NPIPB2: variants seen among roughly 807,000 people sequenced by gnomAD.
The protein encoded by NPIPB2 is nuclear pore complex-interacting protein family member B2.
Under a neutral mutation model 30.8 loss-of-function variants are expected in NPIPB2, and 27 were observed. That is an observed-to-expected ratio of 0.88 (90% CI 0.65 to 1.21). The LOEUF (loss-of-function observed/expected upper bound fraction) is 1.21. NPIPB2 is among the 50% of genes most tolerant of loss of function. The pLI is 0.00. For synonymous variants in NPIPB2, 147 were observed against 162.0 expected (o/e 0.91, Z 0.70); for missense variants, 440 against 446.2 (o/e 0.99, Z 0.13).
chr16:11,942,962 C>G (rs1467596039), upstream of NPIPB2, among the ~76,000 whole-genome samples: 1 of 151,770 alleles, frequency 6.6e-6, no homozygotes, highest in Non-Finnish European at 1.5e-5. Flanking sequence ...TCTATTGATG[C>G]TACAAATGGA....
In NPIPB2 at chr16:11,967,748, C is replaced by T. The variant is rs35434482; in HGVS notation, c.-584+8820G>A. ...TTCCACTCCCAGCTATGGAGGAAGGCGCAACCATTCTTGTCACCACGAAAA... is the reference window on the plus strand; with the variant it reads ...TTCCACTCCCAGCTATGGAGGAAGGTGCAACCATTCTTGTCACCACGAAAA... On this transcript the variant is annotated intron_variant, in intron 1 of 5. Transcript: ENST00000538896. The T allele has an allele frequency of 4.8e-4, 779 of 1,614,178 alleles. 6 individuals carry two copies. The African/African-American group carries it at 8.7e-3, about 18-fold the overall frequency.
At chr16:11,960,354 T>A (rs921486937) in intron 1 of NPIPB2, among the ~76,000 whole-genome samples, 2 of 49,826 alleles carry the variant, frequency 4.0e-5, no homozygotes, top group Non-Finnish European at 1.1e-4. Context: ...TATGGTTCCC[T>A]TTTTTTTTTT....
upstream of NPIPB2, among the ~76,000 whole-genome samples, chr16:11,946,671 A>T (rs1222975273): frequency 6.6e-6 from 1 of 152,128 alleles, no homozygotes; most frequent in African/African-American, 2.4e-5. Context: ...GAGAAACAGA[A>T]ACTCTCCCAC....
intron 1 of NPIPB2, among the ~76,000 whole-genome samples, chr16:11,938,578 G>A (rs4264409): frequency 5.9e-5 from 9 of 151,724 alleles, no homozygotes; most frequent in Admixed American, 1.3e-4. Context: ...TAATCTGCCC[G>A]CCTCAGCCTC....
At chr16:11,960,423 C>G (rs1054256237) in intron 1 of NPIPB2, among the ~76,000 whole-genome samples, 1 of 143,480 alleles carries the variant, frequency 7.0e-6, no homozygotes, top group African/African-American at 2.6e-5. Context: ...GTGGCATGAT[C>G]TCAGCTCACT....
intron 1 of NPIPB2, among the ~76,000 whole-genome samples, chr16:11,949,469 C>G (rs1440233196): frequency 6.6e-6 from 1 of 152,182 alleles, no homozygotes. Flanking sequence ...GTTTTTAGCC[C>G]AGATCTTCAT....
chr16:11,943,899 G>A (rs190849568), upstream of NPIPB2, among the ~76,000 whole-genome samples: 105 of 144,526 alleles, frequency 7.3e-4, no homozygotes, highest in African/African-American at 2.5e-3. Flanking sequence ...TTGGGAGGCC[G>A]AGGCAGGAGA....
chr16:11,936,386 G>T (rs1412539195), intron 2 of NPIPB2, among the ~76,000 whole-genome samples: 3 of 150,254 alleles, frequency 2.0e-5, no homozygotes. Context: ...GTGGCATAGA[G>T]AATGTTAAAT....
At chr16:11,971,978 C>A (rs569746444) in intron 1 of NPIPB2, among the ~76,000 whole-genome samples, 4 of 151,650 alleles carry the variant, frequency 2.6e-5, no homozygotes, top group Non-Finnish European at 5.9e-5. Context: ...AACCCCATCT[C>A]TACCAAAAAT....
rs1258881788 is a variant in NPIPB2, at chr16:11,955,732, A to AAGAAAAG, written c.-583-13625_-583-13619dup. 4.8e-4 allele frequency among the ~76,000 whole-genome samples: 5 copies of AAGAAAAG among 10,324 alleles called. No individual in the cohort carries two copies. In the Admixed American group the frequency reaches 9.0e-3, roughly 19 times the overall value. 6.8% of individuals were successfully genotyped at this position (10,324 alleles called of 152,430 possible). A position where few individuals can be genotyped will look rare whatever the true frequency, so the allele number is the denominator to read the frequency against. ...CAAGACACTGTCTCAAAAAAAAAAAAAGAAAAGAAAAAAGAAATTTGCCAC... is the reference window on the plus strand; with the variant it reads ...CAAGACACTGTCTCAAAAAAAAAAAAAGAAAAGAGAAAAGAAAAAAGAAATTTGCCAC... On this transcript the variant is annotated intron_variant, in intron 1 of 5. Transcript: ENST00000538896.
chr16:11,966,328 G>A (rs767956136), intron 1 of NPIPB2: 3 of 1,611,998 alleles, frequency 1.9e-6, no homozygotes, highest in African/African-American at 2.7e-5. Flanking sequence ...TAAAGGACGA[G>A]TTTAAAAACA....
chr16:11,949,479 T>G (rs1344983001), intron 1 of NPIPB2, among the ~76,000 whole-genome samples: 1 of 152,154 alleles, frequency 6.6e-6, no homozygotes, highest in East Asian at 1.9e-4. Context: ...CAGATCTTCA[T>G]CTCCTCTTGC....
chr16:11,972,208 C>T (rs539006012), intron 1 of NPIPB2, among the ~76,000 whole-genome samples: 14 of 152,198 alleles, frequency 9.2e-5, no homozygotes, highest in African/African-American at 2.9e-4. Flanking sequence ...TTGTGGAGAC[C>T]GTAGTTCTGT....
At chr16:11,963,988 T>C (rs1002798107) in intron 1 of NPIPB2, 1 of 151,886 alleles carries the variant, frequency 6.6e-6, no homozygotes, top group East Asian at 1.9e-4. Flanking sequence ...TGAGCTGTGA[T>C]TGTGTCACTG....
chr16:11,933,456 G>A, intron 4 of NPIPB2, 61 bp downstream of exon 4: 6 of 1,593,142 alleles, frequency 3.8e-6, no homozygotes, highest in Non-Finnish European at 5.1e-6. Flanking sequence ...GGACTTTACA[G>A]TTGTCTACTT....
chr16:11,951,756 G>A (rs1309327257), intron 1 of NPIPB2, among the ~76,000 whole-genome samples: 3 of 151,526 alleles, frequency 2.0e-5, no homozygotes, highest in Admixed American at 6.6e-5. Context: ...GGCCAGGTGC[G>A]GTGGCTCACG....
intron 1 of NPIPB2, among the ~76,000 whole-genome samples, chr16:11,964,558 G>A (rs1464620267): frequency 1.3e-5 from 2 of 152,052 alleles, no homozygotes; most frequent in South Asian, 2.1e-4. Flanking sequence ...GGGATCATAG[G>A]TGCCTGCCAC....
intron 1 of NPIPB2, among the ~76,000 whole-genome samples, chr16:11,951,087 C>A (rs1348515259): frequency 6.6e-6 from 1 of 152,068 alleles, no homozygotes; most frequent in African/African-American, 2.4e-5. Context: ...CTATGTCAAA[C>A]TGGCTTCAGT....
chr16:11,947,524 T>G (rs1050397206), intron 1 of NPIPB2, among the ~76,000 whole-genome samples: 1 of 151,494 alleles, frequency 6.6e-6, no homozygotes, highest in Non-Finnish European at 1.5e-5. Flanking sequence ...TTTTGTACTT[T>G]TAGTAGAGAC....
Sources: gnomAD v4.1 joint callset for allele counts (sites outside exome capture counted in the v4.1 genomes callset) on GRCh38, gnomAD v4.1.1 for gene constraint, MANE v1.5 for transcripts, NCBI Gene and HGNC (gene_info 2026-07-23, HGNC 2026-07-21) for gene names.